The following CUL1 variants were observed in gnomAD, a reference collection of about 807,000 sequenced individuals.
CUL1 encodes the protein cullin 1.
A neutral mutation model predicts 118.0 loss-of-function variants in CUL1; 24 were observed. That is an observed-to-expected ratio of 0.20 (90% confidence interval 0.15 to 0.29). CUL1 has a LOEUF of 0.29. Among genes scored for constraint, CUL1 ranks in the 10% least tolerant of loss-of-function variants. The pLI, the probability that CUL1 is intolerant of heterozygous loss-of-function variation, is 1.00. For missense variants in CUL1, 361 were observed against 933.8 expected (o/e 0.39, Z 7.99); for synonymous variants, 332 against 340.4 (o/e 0.98, Z 0.27).
intron 21 of CUL1, among the ~76,000 whole-genome samples, chr7:148,799,716 G>A (rs1304024259): frequency 6.6e-6 from 1 of 151,632 alleles, no homozygotes; most frequent in Non-Finnish European, 1.5e-5. Flanking sequence ...CGTGTCTTCT[G>A]ACACCATAAA....
intron 9 of CUL1, among the ~76,000 whole-genome samples, chr7:148,770,179 T>A (rs909277599): frequency 2.6e-5 from 4 of 152,224 alleles, no homozygotes; most frequent in African/African-American, 7.2e-5. Flanking sequence ...GGAAGCTTCA[T>A]CCGTCAGCAA....
chr7:148,773,652 G>A (rs536805012), intron 9 of CUL1, among the ~76,000 whole-genome samples: 27 of 152,248 alleles, frequency 1.8e-4, no homozygotes, highest in African/African-American at 4.8e-4. Context: ...TCTTGACCCC[G>A]CTGCGTGTGT....
At chr7:148,725,427 C>T (rs1798546886) in intron 1 of CUL1, among the ~76,000 whole-genome samples, 1 of 152,220 alleles carries the variant, frequency 6.6e-6, no homozygotes, top group African/African-American at 2.4e-5. Flanking sequence ...CCCTTCTCAG[C>T]CCAGCGGGAG....
chr7:148,713,489 G>C (rs902235041), intron 1 of CUL1, among the ~76,000 whole-genome samples: 1 of 152,144 alleles, frequency 6.6e-6, no homozygotes, highest in Non-Finnish European at 1.5e-5. Flanking sequence ...TTTCTGAATT[G>C]AGCAATATTT....
In CUL1 at chr7:148,754,134, T is replaced by C. The variant is rs1173080224; in HGVS notation, c.299T>C (p.Leu100Ser). Residue 100 changes from leucine to serine, a missense_variant, in exon 3 of 22, where the codon TTG becomes TCG. Coordinates refer to ENST00000325222, the MANE Select transcript of CUL1 (RefSeq NM_003592.3). ...KRLKEFLKNY[L>S]TNLLKDGEDL... ...CTTAAGGAATTTTTGAAGAATTACT[T>C]GACAAATCTTCTTAAGGTAAGATGT... 1 of 1,603,372 alleles carries C rather than the reference T, an allele frequency of 6.2e-7. No homozygotes were observed. Among genetic ancestry groups the C allele is most frequent in the East Asian group, 2.2e-5 (1 of 44,824 alleles).
At chr7:148,783,562 A>C (rs1274834087) in intron 9 of CUL1, 1 of 1,443,644 alleles carries the variant, frequency 6.9e-7, no homozygotes, top group East Asian at 2.8e-5. Context: ...TTTAGTTTTG[A>C]GTGTGGAGAA....
chr7:148,709,425 A>G (rs945933403), intron 1 of CUL1, among the ~76,000 whole-genome samples: 1 of 152,252 alleles, frequency 6.6e-6, no homozygotes, highest in African/African-American at 2.4e-5. Context: ...CAAGTCCTCT[A>G]AAGTAAGTTT....
At chr7:148,796,069 T>G (rs1371767203) in intron 17 of CUL1, among the ~76,000 whole-genome samples, 1 of 152,216 alleles carries the variant, frequency 6.6e-6, no homozygotes, top group Non-Finnish European at 1.5e-5. Flanking sequence ...TTGGGAAAGC[T>G]TCCAGTCTTT....
chr7:148,786,653 T>C (rs941839333), intron 12 of CUL1, 54 bp downstream of exon 12: 1 of 1,425,742 alleles, frequency 7.0e-7, no homozygotes, highest in Non-Finnish European at 9.8e-7. Context: ...TCACAAGCTG[T>C]TTGTAATGTT....
intron 8 of CUL1, among the ~76,000 whole-genome samples, chr7:148,767,024 C>CA (rs1800028827): frequency 6.6e-6 from 1 of 152,150 alleles, no homozygotes; most frequent in Non-Finnish European, 1.5e-5. Flanking sequence ...AGGAGACTGT[C>CA]ATCTTATATT....
At chr7:148,728,692 G>C in intron 1 of CUL1, among the ~76,000 whole-genome samples, 1 of 152,174 alleles carries the variant, frequency 6.6e-6, no homozygotes, top group Admixed American at 6.5e-5. Context: ...TCAGGATCAG[G>C]AATGATGTTG....
At chr7:148,706,188 C>T (rs1797874271) in intron 1 of CUL1, among the ~76,000 whole-genome samples, 1 of 152,136 alleles carries the variant, frequency 6.6e-6, no homozygotes, top group African/African-American at 2.4e-5. Context: ...CGCAAGATAC[C>T]TCAAATATTC....
intron 20 of CUL1, among the ~76,000 whole-genome samples, chr7:148,799,004 C>CT (rs531729599): frequency 1.8e-3 from 266 of 151,782 alleles, no homozygotes; most frequent in African/African-American, 5.9e-3. Context: ...ATTTTGTCTC[C>CT]TTTTTTTTAA....
chr7:148,786,451 A>C (rs1031933942), intron 11 of CUL1, 100 bp from the exon 12 acceptor site: 17 of 916,986 alleles, frequency 1.9e-5, no homozygotes, highest in Non-Finnish European at 3.0e-5. Context: ...TAATCTGATG[A>C]GAACTGATCT....
chr7:148,749,979 G>GA (rs1799435488), intron 2 of CUL1, among the ~76,000 whole-genome samples: 3 of 152,226 alleles, frequency 2.0e-5, no homozygotes, highest in South Asian at 2.1e-4. Flanking sequence ...CTGGATAGAA[G>GA]ATCAAACCAG....
At chr7:148,792,481 A>T (rs752661733) in intron 16 of CUL1, among the ~76,000 whole-genome samples, 51 of 152,188 alleles carry the variant, frequency 3.4e-4, no homozygotes, top group African/African-American at 7.5e-4. Context: ...TACGTTTTTT[A>T]AAAAAAACCC....
intron 14 of CUL1, 59 bp downstream of exon 14, chr7:148,788,733 A>C: frequency 9.0e-7 from 1 of 1,117,156 alleles, no homozygotes; most frequent in Non-Finnish European, 1.3e-6. Flanking sequence ...TAGCAAATGA[A>C]GAAATGACAA....
In CUL1 at chr7:148,798,643, A is replaced by G. The variant is rs1159726594; in HGVS notation, c.2102A>G (p.Lys701Arg). 1 of 1,614,160 alleles carries G rather than the reference A, an allele frequency of 6.2e-7. No individual in the cohort carries two copies. The highest frequency in any genetic ancestry group is 8.5e-7 in the Non-Finnish European group (1 of 1,180,020). The change falls in exon 20 of 22, where the codon AAA (lysine) becomes AGA (arginine). Residue 701 changes from lysine to arginine, a missense_variant. Physicochemically the swap from Lys to Arg is conservative, Grantham distance 26. This residue lies in a region of CUL1 where 24 missense variants were observed against 126.7 expected (regional missense o/e 0.19). Coordinates refer to ENST00000325222, the MANE Select transcript of CUL1 (RefSeq NM_003592.3). ...AAGCAGGAACAAGAAACCACACACA[A>G]AAACATCGAGGAAGACCGCAAACTA... ...EQKQEQETTH[K>R]NIEEDRKLLI... is the part of the protein sequence containing the mutation.
chr7:148,706,237 A>G (rs1400187425), intron 1 of CUL1, among the ~76,000 whole-genome samples: 2 of 152,232 alleles, frequency 1.3e-5, no homozygotes, highest in Non-Finnish European at 2.9e-5. Flanking sequence ...AGACTTCTGG[A>G]CCCAAGCATT....
Sources: allele counts gnomAD v4.1 joint callset (sites outside exome capture counted in the v4.1 genomes callset), GRCh38; gene constraint gnomAD v4.1.1; regional missense constraint gnomAD v4.1.1; transcripts MANE v1.5; gene names NCBI Gene and HGNC (gene_info 2026-07-23, HGNC 2026-07-21).